Variants in DCHS2 observed in about 807,000 individuals in gnomAD.
DCHS2 encodes the protein dachsous cadherin-related 2, also known as protocadherin-23.
A neutral mutation model predicts 182.4 loss-of-function variants in DCHS2; 142 were observed. The observed-to-expected ratio is 0.78, with a 90% CI of 0.68 to 0.89. The LOEUF (loss-of-function observed/expected upper bound fraction) is 0.89. DCHS2 is among the 40% of genes least tolerant of loss of function. The pLI is 0.00. For synonymous variants in DCHS2, 1,740 were observed against 1,663.3 expected (o/e 1.05, Z -1.12); for missense variants, 4,319 against 4,198.6 (o/e 1.03, Z -0.79).
chr4:154,425,943 A>T (rs967600348), intron 1 of DCHS2, among the ~76,000 whole-genome samples: 22 of 152,110 alleles, frequency 1.4e-4, no homozygotes, highest in African/African-American at 4.3e-4. Context: ...TCCTGCCTGC[A>T]CCTTTAGATT....
At chr4:154,406,948 C>T (rs966505331) in intron 1 of DCHS2, among the ~76,000 whole-genome samples, 3 of 152,344 alleles carry the variant, frequency 2.0e-5, no homozygotes, top group Middle Eastern at 3.4e-3. Context: ...AAAAAAGATG[C>T]CACATCTATC....
In DCHS2 at chr4:154,233,704, T is replaced by C. The variant is rs754539499; in HGVS notation, c.*832A>G. 5 of 152,098 alleles carry C rather than the reference T, an allele frequency of 3.3e-5. No individual in the cohort carries two copies. Among genetic ancestry groups the C allele is most frequent in the African/African-American group, 7.2e-5 (3 of 41,508 alleles). 9.4% of individuals were successfully genotyped at this position (152,098 alleles called of 1,614,324 possible). Reference sequence around the variant, plus strand: ...TAATGTCTTTACCCACACCTACTTATAAGACAAGACCTGAAAAAAAAGCCA... The same window carrying C: ...TAATGTCTTTACCCACACCTACTTACAAGACAAGACCTGAAAAAAAAGCCA... On this transcript the variant is annotated 3_prime_UTR_variant, in exon 20 of 20. Transcript: ENST00000357232.
rs1735023015 is a variant in DCHS2 at position 154,298,065 on chromosome 4, C to T, written c.6249G>A (p.Met2083Ile). The T allele has an allele frequency of 6.2e-7, 1 of 1,614,098 alleles. No individual in the cohort carries two copies. Among genetic ancestry groups the T allele is most frequent in the Non-Finnish European group, 8.5e-7 (1 of 1,180,002 alleles). The change falls in exon 13 of 20, where the codon ATG becomes ATA. Residue 2083 changes from methionine to isoleucine, a missense_variant. Coordinates refer to ENST00000357232, the MANE Select transcript of DCHS2 (RefSeq NM_001358235.2). ...VVFSFAETQS[M>I]FSIDKYTGEI... The stretch of plus-strand genomic sequence containing the variant: ...CTCCTGTGTATTTATCAATAGAAAA[C>T]ATTGACTGGGTCTCTGCAAAACTAA...
chr4:154,427,524 A>G (rs982270395), intron 1 of DCHS2, among the ~76,000 whole-genome samples: 7 of 152,212 alleles, frequency 4.6e-5, no homozygotes, highest in African/African-American at 1.7e-4. Flanking sequence ...TCTGGTTCTG[A>G]GGGCTGCCCA....
intron 1 of DCHS2, among the ~76,000 whole-genome samples, chr4:154,436,363 C>A (rs1030948805): frequency 2.0e-5 from 3 of 152,098 alleles, no homozygotes; most frequent in African/African-American, 7.2e-5. Context: ...TTTTTTCCAT[C>A]ATGATTGCTT....
At chr4:154,386,241 C>T (rs1437700745) in intron 1 of DCHS2, among the ~76,000 whole-genome samples, 1 of 152,216 alleles carries the variant, frequency 6.6e-6, no homozygotes, top group Non-Finnish European at 1.5e-5. Flanking sequence ...CTGGCTACTT[C>T]TCTGACCTCA....
intron 15 of DCHS2, among the ~76,000 whole-genome samples, chr4:154,256,099 C>G (rs1348216434): frequency 6.6e-6 from 1 of 151,974 alleles, no homozygotes; most frequent in Non-Finnish European, 1.5e-5. Context: ...AAAGAATTAC[C>G]TATAAAATTG....
At chr4:154,449,140 C>T (rs180963126) in intron 1 of DCHS2, among the ~76,000 whole-genome samples, 15 of 151,882 alleles carry the variant, frequency 9.9e-5, no homozygotes, top group African/African-American at 2.7e-4. Flanking sequence ...TCTGCCCCTT[C>T]GCACCCTGGC....
chr4:154,490,849 G>C lies in DCHS2; in HGVS notation c.507C>G (p.Leu169=), dbSNP rs1465251219. The C allele has an allele frequency of 6.4e-7, 1 of 1,551,612 alleles. No homozygotes were observed. The highest frequency in any genetic ancestry group is 2.0e-5 in the Admixed American group (1 of 51,014). ...CGGAGACGTCGAGTTGCAGGGAGTC[G>C]AGGGGAAAGCGGGGCGAGTGGTCAT... ...DVNDHSPRFP[L]DSLQLDVSEL... Residue 169 remains leucine (L), a synonymous_variant, in exon 1 of 20, where the codon CTC becomes CTG. Transcript: ENST00000357232.
chr4:154,373,921 T>C, intron 2 of DCHS2: 3 of 1,605,732 alleles, frequency 1.9e-6, no homozygotes, highest in Admixed American at 1.7e-5. Flanking sequence ...GTTCCTTACC[T>C]TCACCAGGGC....
chr4:154,259,860 T>G, intron 14 of DCHS2, 104 bp from the exon 15 acceptor site: 1 of 1,292,280 alleles, frequency 7.7e-7, no homozygotes. Context: ...TCTCGCACTG[T>G]CGCCCAGGCT....
chr4:154,415,820 T>C (rs1337251702), intron 1 of DCHS2, among the ~76,000 whole-genome samples: 1 of 152,162 alleles, frequency 6.6e-6, no homozygotes, highest in African/African-American at 2.4e-5. Flanking sequence ...CACTCTGAGT[T>C]TTCTCCAAGG....
chr4:154,445,013 G>A (rs750253451), intron 1 of DCHS2, among the ~76,000 whole-genome samples: 1 of 152,118 alleles, frequency 6.6e-6, no homozygotes, highest in African/African-American at 2.4e-5. Context: ...CTCAGGTCTT[G>A]GACCAATGGT....
intron 10 of DCHS2, among the ~76,000 whole-genome samples, chr4:154,311,711 A>C (rs899798577): frequency 1.6e-4 from 25 of 152,222 alleles, no homozygotes; most frequent in African/African-American, 5.8e-4. Context: ...TTCTCAGACC[A>C]TATGGTCAAA....
At chr4:154,474,463 TG>T in intron 1 of DCHS2, among the ~76,000 whole-genome samples, 1 of 152,246 alleles carries the variant, frequency 6.6e-6, no homozygotes, top group East Asian at 1.9e-4. Flanking sequence ...CTGACTCAAC[TG>T]AGCACAGATC....
chr4:154,298,907 G>A, intron 12 of DCHS2, 199 bp from the exon 13 acceptor site: 1 of 610,704 alleles, frequency 1.6e-6, no homozygotes, highest in Non-Finnish European at 2.5e-6. Flanking sequence ...TTCTATTGAG[G>A]GGATAAACAG....
In DCHS2 at chr4:154,235,991, G is replaced by GA. The variant is rs771114281; in HGVS notation, c.8660dup (p.Thr2888HisfsTer7). The GA allele has an allele frequency of 1.4e-5, 23 of 1,613,842 alleles. No homozygotes were observed. In the East Asian group the frequency reaches 4.2e-4, roughly 30 times the overall value. On this transcript the variant is annotated frameshift_variant, in exon 20 of 20. Transcript: ENST00000357232. LOFTEE classifies it low-confidence loss of function (END_TRUNC). ...TGTCTTTATTCTTTTCTGGGAGGGT[G>GA]AAAAAATACTGATCTTGAGTGAAAA...
chr4:154,443,185 TAAGTTAGTTAAAC>T, intron 1 of DCHS2, among the ~76,000 whole-genome samples: 1 of 152,174 alleles, frequency 6.6e-6, no homozygotes, highest in Non-Finnish European at 1.5e-5. Context: ...CCATCGCTCC[TAAGTTAGTTAAAC>T]CCAACTCTTC....
chr4:154,436,097 T>A (rs921524117), intron 1 of DCHS2, among the ~76,000 whole-genome samples: 6 of 152,162 alleles, frequency 3.9e-5, no homozygotes, highest in Non-Finnish European at 8.8e-5. Flanking sequence ...TGTAGGGAAA[T>A]CCTGTCAGGG....
Sources: allele counts gnomAD v4.1 joint callset (sites outside exome capture counted in the v4.1 genomes callset), GRCh38; gene constraint gnomAD v4.1.1; transcripts MANE v1.5; gene names NCBI Gene and HGNC (gene_info 2026-07-23, HGNC 2026-07-21).